Variants in ARB2A observed in about 807,000 individuals in gnomAD.
ARB2A encodes cotranscriptional regulator ARB2A.
At chr5:93,831,036 T>C in the ARB2A span, among the ~76,000 whole-genome samples, 1 of 152,120 alleles carries the variant, frequency 6.6e-6, no homozygotes, top group Non-Finnish European at 1.5e-5. Context: ...TTCATGCTTT[T>C]ATAAGAATCT....
At chr5:93,647,125 A>T in the ARB2A span, among the ~76,000 whole-genome samples, 2 of 152,244 alleles carry the variant, frequency 1.3e-5, no homozygotes, top group East Asian at 3.9e-4. Context: ...TTTTCCATTG[A>T]TAAGGTATTT....
the ARB2A span, among the ~76,000 whole-genome samples, chr5:94,029,151 C>G: frequency 6.6e-6 from 1 of 152,086 alleles, no homozygotes; most frequent in Non-Finnish European, 1.5e-5. Flanking sequence ...GCCACCATGT[C>G]CAGCTAATTT....
At chr5:93,985,822 T>C in the ARB2A span, among the ~76,000 whole-genome samples, 1 of 152,192 alleles carries the variant, frequency 6.6e-6, no homozygotes, top group Non-Finnish European at 1.5e-5. Context: ...GTGCTGAGAT[T>C]GCAGCCTCTG....
the ARB2A span, chr5:93,964,595 AT>A: frequency 3.6e-6 from 4 of 1,109,164 alleles, no homozygotes; most frequent in African/African-American, 1.6e-5. Context: ...ATTTTGGTAA[AT>A]TGTTGCAAGT....
chr5:93,925,113 T>G, the ARB2A span, among the ~76,000 whole-genome samples: 1 of 152,112 alleles, frequency 6.6e-6, no homozygotes, highest in Non-Finnish European at 1.5e-5. Context: ...CCCCATAGAA[T>G]AATACAGTTT....
At chr5:93,764,032 C>T in the ARB2A span, among the ~76,000 whole-genome samples, 4 of 152,098 alleles carry the variant, frequency 2.6e-5, no homozygotes, top group Admixed American at 2.0e-4. Flanking sequence ...CAGAATCTCT[C>T]GGACACATTC....
chr5:93,831,238 C>A, the ARB2A span, among the ~76,000 whole-genome samples: 1 of 148,782 alleles, frequency 6.7e-6, no homozygotes, highest in East Asian at 2.0e-4. Flanking sequence ...TAGTCTTTCC[C>A]TTTACTCTGT....
chr5:93,654,340 A>G, the ARB2A span, among the ~76,000 whole-genome samples: 246 of 152,278 alleles, frequency 1.6e-3, 3 homozygotes, highest in African/African-American at 5.7e-3. Context: ...TTTTACAGTC[A>G]TTAACACTAT....
chr5:93,824,186 C>T, the ARB2A span: 19 of 1,595,822 alleles, frequency 1.2e-5, no homozygotes, highest in African/African-American at 6.8e-5. Context: ...CTGTGAGCAA[C>T]GAAAAACACA....
chr5:94,101,828 AGAT>A, the ARB2A span, among the ~76,000 whole-genome samples: 3 of 152,066 alleles, frequency 2.0e-5, no homozygotes, highest in Non-Finnish European at 2.9e-5. Context: ...TTAGCAGAAA[AGAT>A]GACTATTGGG....
chr5:93,800,290 A>C, the ARB2A span, among the ~76,000 whole-genome samples: 3 of 151,952 alleles, frequency 2.0e-5, no homozygotes, highest in Admixed American at 2.0e-4. Flanking sequence ...TGAAAACTTT[A>C]AAATCTGCAA....
the ARB2A span, among the ~76,000 whole-genome samples, chr5:93,675,164 T>C: frequency 1.3e-5 from 2 of 152,152 alleles, no homozygotes; most frequent in African/African-American, 4.8e-5. Flanking sequence ...AAAATGATTA[T>C]TATTAAAACA....
chr5:94,074,754 A>G, the ARB2A span: 1 of 1,607,134 alleles, frequency 6.2e-7, no homozygotes, highest in African/African-American at 1.3e-5. Context: ...ATAGACATCA[A>G]TCTTCAGAAG....
At chr5:93,782,645 CT>C in the ARB2A span, among the ~76,000 whole-genome samples, 1 of 152,084 alleles carries the variant, frequency 6.6e-6, no homozygotes, top group African/African-American at 2.4e-5. Flanking sequence ...ACTTACCGAA[CT>C]TTTTTAAAGT....
the ARB2A span, chr5:93,739,017 T>TA: frequency 2.6e-5 from 4 of 152,228 alleles, no homozygotes; most frequent in Non-Finnish European, 5.9e-5. Context: ...ATAAAAAGCT[T>TA]AGTCACACCT....
At chr5:93,701,579 T>G in the ARB2A span, among the ~76,000 whole-genome samples, 2 of 146,290 alleles carry the variant, frequency 1.4e-5, no homozygotes, top group African/African-American at 2.5e-5. Flanking sequence ...ATAATCCCTG[T>G]TTTTTTTTTT....
At chr5:93,996,984 A>G in the ARB2A span, among the ~76,000 whole-genome samples, 1 of 152,058 alleles carries the variant, frequency 6.6e-6, no homozygotes, top group Non-Finnish European at 1.5e-5. Flanking sequence ...TCGAGGAATT[A>G]GGAATATAGA....
the ARB2A span, among the ~76,000 whole-genome samples, chr5:93,842,020 C>CA: frequency 6.6e-6 from 1 of 151,882 alleles, no homozygotes; most frequent in Non-Finnish European, 1.5e-5. Context: ...TAATCTAAAA[C>CA]AAAAAAATAC....
the ARB2A span, among the ~76,000 whole-genome samples, chr5:93,837,057 G>A: frequency 6.6e-6 from 1 of 152,072 alleles, no homozygotes; most frequent in Non-Finnish European, 1.5e-5. Flanking sequence ...GTGGGGTTTG[G>A]TGTACAGATT....
Sources: allele counts gnomAD v4.1 joint callset (sites outside exome capture counted in the v4.1 genomes callset), GRCh38; gene constraint gnomAD v4.1.1; transcripts MANE v1.5; gene names NCBI Gene and HGNC (gene_info 2026-07-23, HGNC 2026-07-21).